Variants in PCYT1B observed in about 807,000 individuals in gnomAD.
PCYT1B encodes phosphate cytidylyltransferase 1B, choline, also known as choline-phosphate cytidylyltransferase B.
A neutral mutation model predicts 26.4 loss-of-function variants in PCYT1B; 10 were observed. The ratio of observed to expected loss-of-function variants is 0.38; its 90% CI spans 0.23 to 0.64. PCYT1B has a LOEUF of 0.64. Ranked by LOEUF, PCYT1B falls within the 30% of genes least tolerant of loss-of-function variation. PCYT1B has a pLI of 0.56. For synonymous variants in PCYT1B, 131 were observed against 108.4 expected (o/e 1.21, Z -1.29); for missense variants, 161 against 292.7 (o/e 0.55, Z 3.28).
In PCYT1B at chrX:24,599,995, C is replaced by T. The variant is rs746157346; in HGVS notation, c.334+7750G>A. On this transcript the variant is annotated intron_variant, in intron 3 of 7. Transcript: ENST00000379144. ...CAATCTCAGCTCATGGCAACCTCCG[C>T]TTCCTGGGTTCAAGCGATTCTCCCA... Among the ~76,000 whole-genome samples the T allele has an allele frequency of 6.6e-3, 727 of 110,942 alleles. 5 individuals are homozygous for T. The highest frequency in any genetic ancestry group is 0.011 in the Non-Finnish European group (604 of 52,978).
chrX:24,607,777 G>T lies in PCYT1B; in HGVS notation c.302C>A (p.Thr101Lys). The change falls in exon 3 of 8, where the codon ACA (threonine) becomes AAA (lysine). Residue 101 changes from threonine to lysine, a missense_variant. Thr to Lys is a moderately conservative substitution (Grantham distance 78, BLOSUM62 -1). Around this residue, in one of 4 missense-constraint regions of PCYT1B, gnomAD observed 65 missense variants for 145.0 expected, o/e 0.45. Transcript: ENST00000379144. ...GHARALMQAK[T>K]LFPNSYLLVG... is the part of the protein sequence containing the mutation. ...CAACAAGTAGCTGTTGGGAAACAGT[G>T]TTTTTGCTTGCATAAGGGCTCTTGC... is the stretch of plus-strand genomic sequence containing the variant. 8.4e-7 allele frequency: 1 copy of T among 1,192,466 alleles called. No homozygotes were observed.
At chrX:24,628,008 G>A (rs1925934444) in intron 1 of PCYT1B, among the ~76,000 whole-genome samples, 1 of 111,940 alleles carries the variant, frequency 8.9e-6, no homozygotes, top group Admixed American at 9.5e-5. Flanking sequence ...CATTCTCACA[G>A]ATTTGGTTTG....
chrX:24,615,614 A>C (rs762819961), intron 2 of PCYT1B, among the ~76,000 whole-genome samples: 18 of 110,297 alleles, frequency 1.6e-4, no homozygotes, highest in African/African-American at 5.9e-4. Flanking sequence ...ACAGACATGC[A>C]CCACCACACC....
At chrX:24,629,010 T>C (rs1480177688) in intron 1 of PCYT1B, among the ~76,000 whole-genome samples, 1 of 112,104 alleles carries the variant, frequency 8.9e-6, no homozygotes, top group African/African-American at 3.2e-5. Context: ...TGAAAGCACC[T>C]ATCTTGCTGC....
intron 3 of PCYT1B, among the ~76,000 whole-genome samples, chrX:24,607,477 T>C (rs1340274226): frequency 1.8e-5 from 2 of 112,513 alleles, no homozygotes; most frequent in African/African-American, 6.5e-5. Context: ...AGAAAGGCAT[T>C]AATGGAAAAC....
chrX:24,564,746 C>A (rs892393463), intron 7 of PCYT1B, among the ~76,000 whole-genome samples: 1 of 111,090 alleles, frequency 9.0e-6, no homozygotes, highest in Admixed American at 9.6e-5. Flanking sequence ...CCCTCATGAC[C>A]CTTTGGAGTC....
At chrX:24,596,344 C>A (rs1924778771) in intron 3 of PCYT1B, among the ~76,000 whole-genome samples, 1 of 111,480 alleles carries the variant, frequency 9.0e-6, no homozygotes, top group Non-Finnish European at 1.9e-5. Flanking sequence ...GTAATCCCAG[C>A]ACTTTGGGAG....
chrX:24,670,974 T>C (rs1041265334), intron 1 of PCYT1B, among the ~76,000 whole-genome samples: 2 of 110,388 alleles, frequency 1.8e-5, no homozygotes, highest in African/African-American at 6.6e-5. Flanking sequence ...CTGAATCTAG[T>C]TGTTTTTTTT....
At chrX:24,569,101 AAAC>A (rs1276914510) in intron 7 of PCYT1B, among the ~76,000 whole-genome samples, 3 of 111,278 alleles carry the variant, frequency 2.7e-5, no homozygotes, top group East Asian at 2.8e-4. Context: ...TCTGTCTTAA[AAAC>A]AACAACAACA....
Position 24,647,209 on chromosome X carries a change from TC to T in PCYT1B, c.-105del. 9 of 775,704 alleles carry T rather than the reference TC, an allele frequency of 1.2e-5. No homozygotes were observed. Among genetic ancestry groups the T allele is most frequent in the African/African-American group, 2.5e-5 (1 of 39,428 alleles). The allele number at this position is 775,704 out of a possible 1,213,427, so 63.9% of individuals were successfully genotyped here. On this transcript the variant is annotated 5_prime_UTR_variant, in exon 1 of 8. Transcript: ENST00000379144. ...TTTTCTCCCCTCTACCCTCCACCCA[TC>T]CCCCCGCTTCTTCTCCCCTTCTTTC...
chrX:24,606,170 T>C (rs574647620), intron 3 of PCYT1B, among the ~76,000 whole-genome samples: 7 of 111,203 alleles, frequency 6.3e-5, no homozygotes, highest in African/African-American at 2.3e-4. Flanking sequence ...TCCTCCAATT[T>C]ACAAGAACGT....
chrX:24,658,764 G>A (rs971400025), intron 1 of PCYT1B, among the ~76,000 whole-genome samples: 4 of 111,376 alleles, frequency 3.6e-5, no homozygotes, highest in Non-Finnish European at 5.7e-5. Context: ...AGTCTCTTTT[G>A]CCATATAAGG....
chrX:24,587,357 T>C, intron 4 of PCYT1B, 38 bp from the exon 5 acceptor site: 1 of 912,070 alleles, frequency 1.1e-6, no homozygotes, highest in South Asian at 2.0e-5. Flanking sequence ...ACCACTGGGA[T>C]GGATGTGCAT....
intron 5 of PCYT1B, among the ~76,000 whole-genome samples, chrX:24,583,143 AG>A (rs1647987731): frequency 8.9e-6 from 1 of 112,279 alleles, no homozygotes; most frequent in South Asian, 3.7e-4. Context: ...ACGTGGCAAA[AG>A]TAACTCTGTG....
Position 24,637,489 on chromosome X carries a change from A to T in PCYT1B, c.117+9500T>A, listed in dbSNP as rs868233036. The stretch of plus-strand genomic sequence containing the variant: ...AAACCCCATCTCTACTAAAAAAAAA[A>T]AAATATATATATATATATATATAAA... On this transcript the variant is annotated intron_variant, in intron 1 of 7. Coordinates refer to ENST00000379144, the MANE Select transcript of PCYT1B (RefSeq NM_004845.5). Among the ~76,000 whole-genome samples the T allele has an allele frequency of 3.3e-3, 184 of 55,531 alleles. 1 individual carries two copies. Among genetic ancestry groups the T allele is most frequent in the Middle Eastern group, 8.6e-3 (1 of 116 alleles). 48.2% of individuals were successfully genotyped at this position (55,531 alleles called of 115,157 possible).
chrX:24,615,437 C>T (rs1925455461), intron 2 of PCYT1B, among the ~76,000 whole-genome samples: 1 of 111,176 alleles, frequency 9.0e-6, no homozygotes, highest in African/African-American at 3.3e-5. Context: ...GCTTCTATTT[C>T]CAGAGGAAGA....
chrX:24,625,481 G>A (rs1315860294), intron 1 of PCYT1B, among the ~76,000 whole-genome samples: 1 of 109,894 alleles, frequency 9.1e-6, no homozygotes, highest in South Asian at 4.0e-4. Context: ...CTTAAATCAG[G>A]CAGCTGGTGC....
intron 1 of PCYT1B, among the ~76,000 whole-genome samples, chrX:24,635,989 A>G (rs1297981704): frequency 9.0e-6 from 1 of 111,522 alleles, no homozygotes; most frequent in Non-Finnish European, 1.9e-5. Context: ...GAGGCCAGGC[A>G]TAGTACACAA....
At chrX:24,572,787 C>T (rs1903621892) in intron 7 of PCYT1B, among the ~76,000 whole-genome samples, 1 of 109,501 alleles carries the variant, frequency 9.1e-6, no homozygotes, top group Admixed American at 9.9e-5. Context: ...AACCTCCAGT[C>T]TCTAAACTGG....
Sources: gnomAD v4.1 joint callset for allele counts (sites outside exome capture counted in the v4.1 genomes callset) on GRCh38, gnomAD v4.1.1 for gene constraint, gnomAD v4.1.1 regional missense constraint, MANE v1.5 for transcripts, NCBI Gene and HGNC (gene_info 2026-07-23, HGNC 2026-07-21) for gene names.